Variants in SCN8A observed in about 807,000 individuals in gnomAD.
SCN8A encodes sodium voltage-gated channel alpha subunit 8, also known as sodium channel protein type 8 subunit alpha.
A neutral mutation model predicts 184.1 loss-of-function variants in SCN8A; 30 were observed. That is an observed-to-expected ratio of 0.16 (90% CI 0.12 to 0.22). The LOEUF (loss-of-function observed/expected upper bound fraction) is 0.22, where lower values mean the gene tolerates loss of function less well. SCN8A is among the 10% of genes least tolerant of loss of function. The pLI, the probability that SCN8A is intolerant of heterozygous loss-of-function variation, is 1.00. For synonymous variants in SCN8A, 852 were observed against 907.0 expected (o/e 0.94, Z 1.09); for missense variants, 1,057 against 2,498.9 (o/e 0.42, Z 12.30).
intron 14 of SCN8A, among the ~76,000 whole-genome samples, chr12:51,757,304 A>G (rs1489238397): frequency 1.1e-5 from 1 of 89,900 alleles, no homozygotes; most frequent in Admixed American, 1.5e-4. Context: ...ATTATTTTTC[A>G]TGGTCACATT....
At position 51,779,219 on chromosome 12, in the gene SCN8A, C is replaced by CAAAAAAA. The variant is rs35152992; in HGVS notation, c.3820-1418_3820-1412dup. ...TGAGCGACAGAGTGAGACTTTGTCT[C>CAAAAAAA]AAAAAAAAAAAAAAAAAATAGAAAC... On this transcript the variant is annotated intron_variant, in intron 20 of 26. Transcript: ENST00000627620. Among the ~76,000 whole-genome samples, 55 of 125,128 alleles carry CAAAAAAA rather than the reference C, an allele frequency of 4.4e-4. No individual in the cohort carries two copies. The Middle Eastern group carries it at 0.016, about 37-fold the overall frequency. The allele number at this position is 125,128 out of a possible 152,430, so 82.1% of individuals were successfully genotyped here. A position where few individuals can be genotyped will look rare whatever the true frequency, so the allele number is the denominator to read the frequency against.
chr12:51,710,304 C>CT lies in SCN8A; in HGVS notation c.1635+3590dup, dbSNP rs754009524. ...CCTATACCTGAACCAGAATGAGCTACTAGATATTTCTCATATATGATGTTT... is the reference window on the plus strand; with the variant it reads ...CCTATACCTGAACCAGAATGAGCTACTTAGATATTTCTCATATATGATGTTT... On this transcript the variant is annotated intron_variant, in intron 11 of 26. Transcript: ENST00000627620. 9.9e-5 allele frequency among the ~76,000 whole-genome samples: 15 copies of CT among 152,268 alleles called. No individual in the cohort carries two copies. The South Asian group carries it at 1.7e-3, about 17-fold the overall frequency.
chr12:51,810,329 C>T lies in SCN8A; in HGVS notation c.*2900C>T. ...CCTGCTCACTCACTCACTCTCTCAC[C>T]CATCCTGCTCCACACTTCTTTGGTA... On this transcript the variant is annotated 3_prime_UTR_variant, in exon 27 of 27. Transcript: ENST00000627620. The T allele has an allele frequency of 2.7e-6, 1 of 367,588 alleles. No homozygotes were observed. Among genetic ancestry groups the T allele is most frequent in the South Asian group, 1.9e-5 (1 of 52,270 alleles). 22.8% of individuals were successfully genotyped at this position (367,588 alleles called of 1,614,324 possible).
chr12:51,781,923 T>C (rs912288769), intron 21 of SCN8A, among the ~76,000 whole-genome samples: 1 of 152,220 alleles, frequency 6.6e-6, no homozygotes, highest in Non-Finnish European at 1.5e-5. Context: ...AAAAACTAGA[T>C]ACCAGGACAG....
chr12:51,778,592 T>G (rs1234358905), intron 20 of SCN8A, among the ~76,000 whole-genome samples: 1 of 152,170 alleles, frequency 6.6e-6, no homozygotes, highest in Non-Finnish European at 1.5e-5. Flanking sequence ...TTAAACCTGC[T>G]CATCCTGACC....
At chr12:51,746,127 C>T in intron 13 of SCN8A, 92 bp downstream of exon 13, 1 of 1,210,630 alleles carries the variant, frequency 8.3e-7, no homozygotes, top group Non-Finnish European at 1.1e-6. Flanking sequence ...CTGAGTTTTG[C>T]AAAGACTGTC....
At chr12:51,681,047 T>G (rs912392990) in intron 2 of SCN8A, among the ~76,000 whole-genome samples, 3 of 152,048 alleles carry the variant, frequency 2.0e-5, no homozygotes, top group Non-Finnish European at 4.4e-5. Context: ...AAAATCCTGT[T>G]GTCTGTCTCC....
At chr12:51,731,385 G>T (rs1325624672) in intron 12 of SCN8A, among the ~76,000 whole-genome samples, 1 of 152,064 alleles carries the variant, frequency 6.6e-6, no homozygotes, top group Admixed American at 6.5e-5. Flanking sequence ...CAAGGAGCTG[G>T]AATTACAGGC....
intron 6 of SCN8A, among the ~76,000 whole-genome samples, chr12:51,696,835 A>G (rs1403886979): frequency 1.3e-5 from 2 of 152,024 alleles, no homozygotes; most frequent in Admixed American, 1.3e-4. Context: ...GTTCGAGACC[A>G]GCCTGGCCAA....
chr12:51,759,649 C>T (rs956887289), intron 14 of SCN8A, among the ~76,000 whole-genome samples: 3 of 152,178 alleles, frequency 2.0e-5, no homozygotes, highest in African/African-American at 4.8e-5. Context: ...CCATGTGCTT[C>T]CTGAGAGGGC....
At chr12:51,770,969 A>C (rs1396448106) in intron 19 of SCN8A, among the ~76,000 whole-genome samples, 1 of 152,106 alleles carries the variant, frequency 6.6e-6, no homozygotes, top group African/African-American at 2.4e-5. Flanking sequence ...TCTCTTACCT[A>C]ATACCCCAGA....
chr12:51,771,314 G>A (rs531795156), intron 19 of SCN8A, among the ~76,000 whole-genome samples: 3 of 152,212 alleles, frequency 2.0e-5, no homozygotes, highest in South Asian at 4.1e-4. Context: ...GAGGACTGCC[G>A]GGACTAGAGA....
chr12:51,712,925 C>T lies in SCN8A; in HGVS notation c.1635+6210C>T, dbSNP rs1941904702. 3 of 1,590,602 alleles carry T rather than the reference C, an allele frequency of 1.9e-6. No homozygotes were observed. In the East Asian group the frequency reaches 6.7e-5, roughly 36 times the overall value. ...TTACCTCCACCACCTCCAAAGCTTC[C>T]TCCGCAACCCATAAAATTGCCAGAT... On this transcript the variant is annotated intron_variant, in intron 11 of 26. Coordinates refer to ENST00000627620, the MANE Select transcript of SCN8A (RefSeq NM_001330260.2).
At chr12:51,780,827 T>C in intron 21 of SCN8A, 56 bp downstream of exon 21, 3 of 1,454,424 alleles carry the variant, frequency 2.1e-6, no homozygotes, top group Admixed American at 5.3e-5. Context: ...TGTTTAAGCA[T>C]GCTAGAACTG....
At chr12:51,804,238 C>T (rs1285377856) in intron 26 of SCN8A, among the ~76,000 whole-genome samples, 1 of 152,168 alleles carries the variant, frequency 6.6e-6, no homozygotes. Flanking sequence ...AAAGGCGCTC[C>T]GATTTGTACA....
rs1161238819 is a variant in SCN8A at position 51,786,536 on chromosome 12, A to G, written c.3943-6A>G. 2.5e-6 allele frequency: 4 copies of G among 1,613,856 alleles called. No homozygotes were observed. The highest frequency in any genetic ancestry group is 3.4e-6 in the Non-Finnish European group (4 of 1,179,960). ...CAACACTGAGCAACCTCCCCTTCCAATGCAGGTGGTGGTGAATGCCTTGGT... is the reference window on the plus strand; with the variant it reads ...CAACACTGAGCAACCTCCCCTTCCAGTGCAGGTGGTGGTGAATGCCTTGGT... On this transcript the variant is annotated splice_polypyrimidine_tract_variant and splice_region_variant and intron_variant, in intron 21 of 26. Transcript: ENST00000627620.
intron 2 of SCN8A, among the ~76,000 whole-genome samples, chr12:51,672,797 G>T (rs560421139): frequency 6.6e-6 from 1 of 152,274 alleles, no homozygotes; most frequent in South Asian, 2.1e-4. Context: ...ATTTTCTTCA[G>T]TCCCTGAGGA....
intron 13 of SCN8A, among the ~76,000 whole-genome samples, chr12:51,747,755 C>T (rs1182083356): frequency 6.6e-6 from 1 of 152,056 alleles, no homozygotes; most frequent in African/African-American, 2.4e-5. Context: ...GAGTTGGATA[C>T]AAACCATTGG....
Position 51,713,332 on chromosome 12 carries a change from G to T in SCN8A, c.1635+6617G>T, listed in dbSNP as rs1004109350. 40 of 1,075,380 alleles carry T rather than the reference G, an allele frequency of 3.7e-5. No homozygotes were observed. The African/African-American group carries it at 5.7e-4, about 15-fold the overall frequency. The allele number at this position is 1,075,380 out of a possible 1,614,324, so 66.6% of individuals were successfully genotyped here. A position where few individuals can be genotyped will look rare whatever the true frequency, so the allele number is the denominator to read the frequency against. ...AACCTTGTGTGGTCAAGCACACATT[G>T]CTGCATCCACCTCTTCAACACAAGA... On this transcript the variant is annotated intron_variant, in intron 11 of 26. Coordinates refer to ENST00000627620, the MANE Select transcript of SCN8A (RefSeq NM_001330260.2).
Sources: allele counts gnomAD v4.1 joint callset (sites outside exome capture counted in the v4.1 genomes callset), GRCh38; gene constraint gnomAD v4.1.1; transcripts MANE v1.5; gene names NCBI Gene and HGNC (gene_info 2026-07-23, HGNC 2026-07-21).